The following ITIH2 variants were observed in gnomAD, a reference collection of about 807,000 sequenced individuals.
The protein encoded by ITIH2 is inter-alpha-trypsin inhibitor heavy chain H2.
A neutral mutation model predicts 104.4 loss-of-function variants in ITIH2; 103 were observed. That is an observed-to-expected ratio of 0.99 (90% CI 0.84 to 1.16). ITIH2 has a LOEUF of 1.16. ITIH2 is among the 50% of genes most tolerant of loss of function. The pLI, the probability that ITIH2 is intolerant of heterozygous loss-of-function variation, is 0.00. For missense variants in ITIH2, 1,108 were observed against 1,162.4 expected (o/e 0.95, Z 0.68); for synonymous variants, 436 against 435.4 (o/e 1.00, Z -0.02).
In ITIH2 at chr10:7,731,882, G is replaced by T. The variant is rs566152480; in HGVS notation, c.1533G>T (p.Thr511=). ...TCAACTATCCCCATACATCAGTCAC[G>T]GACGTCACTCAAAACAATTTCCATA... ...VQFNYPHTSV[T]DVTQNNFHNY... is the part of the protein sequence containing the mutation. The change falls in exon 13 of 21, where the codon ACG becomes ACT. Residue 511 remains threonine, a synonymous_variant. Coordinates refer to ENST00000358415, the MANE Select transcript of ITIH2 (RefSeq NM_002216.3). 2 of 1,613,724 alleles carry T rather than the reference G, an allele frequency of 1.2e-6. No individual in the cohort carries two copies. Among genetic ancestry groups the T allele is most frequent in the South Asian group, 2.2e-5 (2 of 91,066 alleles).
chr10:7,708,800 C>T (rs1263101606), intron 3 of ITIH2, among the ~76,000 whole-genome samples: 2 of 152,088 alleles, frequency 1.3e-5, no homozygotes, highest in Non-Finnish European at 2.9e-5. Flanking sequence ...TGCCTTTTAG[C>T]TCAAAGTATC....
chr10:7,734,940 TGCC>T lies in ITIH2; in HGVS notation c.1810_1812del (p.Ala604del). The T allele has an allele frequency of 6.2e-7, 1 of 1,612,824 alleles. No individual in the cohort carries two copies. ...AATACAGAAGCCTGGCTCCTACAGC[TGCC>T]GCCAAGAGAAGAATTACAAGATCGA... On this transcript the variant is annotated inframe_deletion, in exon 15 of 21. Coordinates refer to ENST00000358415, the MANE Select transcript of ITIH2 (RefSeq NM_002216.3).
intron 5 of ITIH2, among the ~76,000 whole-genome samples, chr10:7,713,712 T>A (rs1834819649): frequency 6.6e-6 from 1 of 152,048 alleles, no homozygotes. Flanking sequence ...TTGTAGTTGT[T>A]GTTGTTGTTG....
chr10:7,746,602 T>C lies in ITIH2; in HGVS notation c.2591T>C (p.Met864Thr). 6.2e-7 allele frequency: 1 copy of C among 1,611,428 alleles called. No homozygotes were observed. Among genetic ancestry groups the C allele is most frequent in the Non-Finnish European group, 8.5e-7 (1 of 1,177,746 alleles). The change falls in exon 20 of 21, where the codon ATG becomes ACG. Residue 864 changes from methionine to threonine, a missense_variant. By Grantham distance (81) the Met-to-Thr change is moderately conservative (BLOSUM62 -1). Coordinates refer to ENST00000358415, the MANE Select transcript of ITIH2 (RefSeq NM_002216.3). ...GATTCTGTTTTGCTAGGCCAGTTCA[T>C]GCAGGAACCAAAGATACACATCTTC... ...PKAHGLIGQF[M>T]QEPKIHIFNE... is the part of the protein sequence containing the mutation.
chr10:7,740,260 A>C (rs1056908468), intron 16 of ITIH2, among the ~76,000 whole-genome samples: 1 of 152,180 alleles, frequency 6.6e-6, no homozygotes, highest in Non-Finnish European at 1.5e-5. Context: ...TATCTCTAAA[A>C]TTATTATTTT....
rs571720499 is a variant in ITIH2 at position 7,704,014 on chromosome 10, C to A, written c.84+496C>A. Among the ~76,000 whole-genome samples the A allele has an allele frequency of 8.5e-5, 13 of 152,300 alleles. 1 individual carries two copies. The South Asian group carries it at 2.7e-3, about 32-fold the overall frequency. ...TGAACAGTGATATTTGTAATAAGAGCACTTTAAGTATTCCTATTAAAGCGG... is the reference window on the plus strand; with the variant it reads ...TGAACAGTGATATTTGTAATAAGAGAACTTTAAGTATTCCTATTAAAGCGG... On this transcript the variant is annotated intron_variant, in intron 1 of 20. Transcript: ENST00000358415.
intron 5 of ITIH2, among the ~76,000 whole-genome samples, chr10:7,715,242 G>C (rs930913606): frequency 8.6e-5 from 13 of 152,026 alleles, no homozygotes; most frequent in African/African-American, 2.9e-4. Flanking sequence ...CCAACATGGT[G>C]AAACCCCGTC....
Position 7,732,488 on chromosome 10 carries a change from A to ACTC in ITIH2, c.1787+11_1787+12insCTC. 1.9e-6 allele frequency: 3 copies of ACTC among 1,609,214 alleles called. No homozygotes were observed. Among genetic ancestry groups the ACTC allele is most frequent in the Non-Finnish European group, 1.7e-6 (2 of 1,175,856 alleles). On this transcript the variant is annotated intron_variant, in intron 14 of 20. Transcript: ENST00000358415. ...ACTGCTAGCTGAACGGTAAGAAGAG[A>ACTC]AGAGTACCCACACCACGAGATCTGC...
chr10:7,738,782 C>A, intron 16 of ITIH2, 24 bp downstream of exon 16: 1 of 1,551,450 alleles, frequency 6.4e-7, no homozygotes, highest in Non-Finnish European at 8.7e-7. Context: ...ACTGCTTGCA[C>A]GTCCCAGAAC....
At chr10:7,725,307 G>A (rs7084026) in intron 9 of ITIH2, among the ~76,000 whole-genome samples, 11,103 of 152,218 alleles carry the variant, frequency 0.073, 560 homozygotes, top group African/African-American at 0.14. Flanking sequence ...CCCTGAGAAG[G>A]TGAAGGGAGA....
intron 16 of ITIH2, among the ~76,000 whole-genome samples, chr10:7,740,786 A>G (rs1354917112): frequency 2.0e-5 from 3 of 151,952 alleles, no homozygotes; most frequent in Non-Finnish European, 2.9e-5. Context: ...GGATGATAAT[A>G]CCCTCCCTGC....
intron 4 of ITIH2, among the ~76,000 whole-genome samples, chr10:7,709,884 C>G (rs1181965233): frequency 6.6e-6 from 1 of 151,894 alleles, no homozygotes; most frequent in South Asian, 2.1e-4. Context: ...GATGGAGTCT[C>G]GCTCTGTCGC....
chr10:7,740,399 G>A (rs1407070504), intron 16 of ITIH2, among the ~76,000 whole-genome samples: 5 of 152,144 alleles, frequency 3.3e-5, no homozygotes, highest in Admixed American at 6.5e-5. Flanking sequence ...AGCGGCAAAC[G>A]TCTGCAGCCA....
At chr10:7,712,464 C>T (rs923041583) in intron 4 of ITIH2, among the ~76,000 whole-genome samples, 1 of 152,184 alleles carries the variant, frequency 6.6e-6, no homozygotes, top group Non-Finnish European at 1.5e-5. Context: ...ATGCCAAATT[C>T]TTAGCTCACA....
At chr10:7,710,778 A>G (rs1012100758) in intron 4 of ITIH2, among the ~76,000 whole-genome samples, 2 of 152,184 alleles carry the variant, frequency 1.3e-5, no homozygotes, top group Non-Finnish European at 2.9e-5. Context: ...CTAAAAAGCA[A>G]AGGGAGAAGG....
At chr10:7,703,986 A>G (rs986775620) in intron 1 of ITIH2, among the ~76,000 whole-genome samples, 18 of 152,232 alleles carry the variant, frequency 1.2e-4, no homozygotes, top group African/African-American at 3.9e-4. Context: ...TTTCATATCT[A>G]AGTGAACAGT....
At chr10:7,733,956 A>G (rs903946201) in intron 14 of ITIH2, among the ~76,000 whole-genome samples, 2 of 151,866 alleles carry the variant, frequency 1.3e-5, no homozygotes, top group Admixed American at 6.6e-5. Context: ...ACAGAAGCAC[A>G]CTAGATGTAT....
chr10:7,743,290 A>G (rs1212504429), intron 17 of ITIH2, 31 bp downstream of exon 17: 10 of 1,133,410 alleles, frequency 8.8e-6, no homozygotes, highest in African/African-American at 7.8e-5. Context: ...ATTTGCACCA[A>G]TTAGGTCATT....
At chr10:7,707,036 T>C (rs1397302224) in intron 2 of ITIH2, among the ~76,000 whole-genome samples, 165 bp from the exon 3 acceptor site, 1 of 152,068 alleles carries the variant, frequency 6.6e-6, no homozygotes, top group Non-Finnish European at 1.5e-5. Flanking sequence ...AGTGGGAAAA[T>C]AGTTTTCAAG....
Sources: gnomAD v4.1 joint callset for allele counts (sites outside exome capture counted in the v4.1 genomes callset) on GRCh38, gnomAD v4.1.1 for gene constraint, MANE v1.5 for transcripts, NCBI Gene and HGNC (gene_info 2026-07-23, HGNC 2026-07-21) for gene names.